CCDC171: variants seen among roughly 807,000 people sequenced by gnomAD.
CCDC171 encodes coiled-coil domain containing 171, also known as coiled-coil domain-containing protein 171.
Under a neutral mutation model 168.2 loss-of-function variants are expected in CCDC171, and 177 were observed. The ratio of observed to expected loss-of-function variants is 1.05; its 90% CI spans 0.93 to 1.19. The LOEUF (loss-of-function observed/expected upper bound fraction) is 1.19. CCDC171 is among the 50% of genes most tolerant of loss of function. CCDC171 has a pLI of 0.00. For missense variants in CCDC171, 1,991 were observed against 1,539.0 expected (o/e 1.29, Z -4.91); for synonymous variants, 687 against 540.8 (o/e 1.27, Z -3.75).
At chr9:15,758,947 G>A (rs1035604513) in intron 18 of CCDC171, among the ~76,000 whole-genome samples, 6 of 152,056 alleles carry the variant, frequency 3.9e-5, no homozygotes, top group Admixed American at 1.3e-4. Context: ...GCCCAGTCTC[G>A]GGTATGTCTT....
chr9:15,695,761 A>C (rs1030895778), intron 11 of CCDC171, among the ~76,000 whole-genome samples: 4 of 152,226 alleles, frequency 2.6e-5, no homozygotes, highest in Admixed American at 2.6e-4. Context: ...CGCATGTTCT[A>C]TACTTTCCAA....
intron 1 of CCDC171, among the ~76,000 whole-genome samples, chr9:16,057,750 G>A (rs1285537467): frequency 1.3e-5 from 2 of 152,142 alleles, no homozygotes; most frequent in African/African-American, 4.8e-5. Flanking sequence ...ACATCCAGCA[G>A]TTTAGGTTTA....
At chr9:15,967,793 A>G (rs1564084511) in intron 25 of CCDC171, among the ~76,000 whole-genome samples, 1 of 152,216 alleles carries the variant, frequency 6.6e-6, no homozygotes, top group Non-Finnish European at 1.5e-5. Context: ...GGCTTACTAA[A>G]TCACATTTTT....
At chr9:15,801,892 G>T (rs550224115) in intron 21 of CCDC171, among the ~76,000 whole-genome samples, 17 of 151,914 alleles carry the variant, frequency 1.1e-4, no homozygotes, top group Non-Finnish European at 2.4e-4. Flanking sequence ...TATGGTTTTT[G>T]TCCTTAATTC....
chr9:15,891,115 C>G (rs568667370), intron 24 of CCDC171, among the ~76,000 whole-genome samples: 1 of 152,088 alleles, frequency 6.6e-6, no homozygotes, highest in Non-Finnish European at 1.5e-5. Flanking sequence ...CACCTCTGTC[C>G]AAATTAATAT....
At position 15,813,213 on chromosome 9, in the gene CCDC171, T is replaced by C. The variant is rs74570971; in HGVS notation, c.3267+28519T>C. Among the ~76,000 whole-genome samples, 1,182 of 152,336 alleles carry C rather than the reference T, an allele frequency of 7.8e-3. 12 individuals are homozygous for C. The highest frequency in any genetic ancestry group is 0.027 in the African/African-American group (1,125 of 41,566). On this transcript the variant is annotated intron_variant, in intron 21 of 25. Coordinates refer to ENST00000380701, the MANE Select transcript of CCDC171 (RefSeq NM_173550.4). ...ATGTTTCTTACTTAAATATTGGTTA[T>C]ATGGTTATGGAAATTTCCCATGTAC...
Position 15,728,018 on chromosome 9 carries a change from C to T in CCDC171, c.1842C>T (p.Leu614=), listed in dbSNP as rs1039967823. 3 of 1,612,120 alleles carry T rather than the reference C, an allele frequency of 1.9e-6. No individual in the cohort carries two copies. Among genetic ancestry groups the T allele is most frequent in the South Asian group, 1.1e-5 (1 of 90,686 alleles). ...ATGTTGATGCCCTGATTGCAGACCTCAACAGGGCTAATGAGAAGGTAACTG... is the reference window on the plus strand; with the variant it reads ...ATGTTGATGCCCTGATTGCAGACCTTAACAGGGCTAATGAGAAGGTAACTG... The part of the protein sequence containing the change: ...QENVDALIAD[L]NRANEKIRHL... The change falls in exon 15 of 26, where the codon CTC becomes CTT. Residue 614 remains leucine (L), a synonymous_variant. Transcript: ENST00000380701.
At chr9:15,590,359 T>C (rs2041887678) in intron 4 of CCDC171, among the ~76,000 whole-genome samples, 1 of 152,236 alleles carries the variant, frequency 6.6e-6, no homozygotes, top group Non-Finnish European at 1.5e-5. Context: ...TTATAAACAT[T>C]TCCTCATTTT....
intron 23 of CCDC171, among the ~76,000 whole-genome samples, chr9:15,870,445 C>T (rs1457378654): frequency 1.3e-5 from 2 of 151,630 alleles, no homozygotes; most frequent in African/African-American, 4.8e-5. Context: ...GCATCGGAGG[C>T]CATAATAGAT....
chr9:16,073,055 T>A, the CCDC171 span, among the ~76,000 whole-genome samples: 1 of 152,254 alleles, frequency 6.6e-6, no homozygotes, highest in Non-Finnish European at 1.5e-5. Flanking sequence ...TTTAGTCAAA[T>A]CTGTTTCATG....
At chr9:15,929,889 T>G (rs1187649680) in intron 25 of CCDC171, among the ~76,000 whole-genome samples, 1 of 151,812 alleles carries the variant, frequency 6.6e-6, no homozygotes, top group East Asian at 1.9e-4. Flanking sequence ...TTTTTACCAT[T>G]GACATTCTGG....
chr9:15,787,330 T>C (rs190328736), intron 21 of CCDC171, among the ~76,000 whole-genome samples: 1 of 152,284 alleles, frequency 6.6e-6, no homozygotes, highest in Admixed American at 6.5e-5. Flanking sequence ...TTATTCTTTC[T>C]GTCTAGCTGA....
chr9:16,100,355 C>T, the CCDC171 span, among the ~76,000 whole-genome samples: 2 of 152,190 alleles, frequency 1.3e-5, no homozygotes, highest in South Asian at 2.1e-4. Context: ...TATCTCCAGC[C>T]GCTCAGCTCA....
chr9:15,899,223 G>A (rs1379486787), intron 24 of CCDC171, among the ~76,000 whole-genome samples: 3 of 152,090 alleles, frequency 2.0e-5, no homozygotes, highest in Non-Finnish European at 4.4e-5. Context: ...ATCACAGTTT[G>A]TTTAGCCATT....
At chr9:15,802,445 G>T (rs2058870704) in intron 21 of CCDC171, among the ~76,000 whole-genome samples, 2 of 151,854 alleles carry the variant, frequency 1.3e-5, no homozygotes, top group Non-Finnish European at 2.9e-5. Flanking sequence ...AGTGTGTATT[G>T]TTCCCCACTG....
At position 15,979,307 on chromosome 9, in the gene CCDC171, A is replaced by C. The variant is rs988272899; in HGVS notation, n.369-41282A>C. Among the ~76,000 whole-genome samples, 3 of 152,182 alleles carry C rather than the reference A, an allele frequency of 2.0e-5. No individual in the cohort carries two copies. In the East Asian group the frequency reaches 5.8e-4, roughly 29 times the overall value. ...TTCTTCTTACCAAATTGTCTCAGCT[A>C]TAATCTTCAGTACATTGTTGAGTAG... On this transcript the variant is annotated intron_variant and non_coding_transcript_variant, in intron 3 of 9. Transcript: ENST00000486641.
chr9:15,571,321 A>C (rs115691984), intron 2 of CCDC171, among the ~76,000 whole-genome samples: 3,814 of 152,334 alleles, frequency 0.025, 161 homozygotes, highest in African/African-American at 0.087. Flanking sequence ...GGGAGAACCC[A>C]GTCTCTTCCA....
Position 15,744,588 on chromosome 9 carries a change from A to T in CCDC171, c.2365A>T (p.Met789Leu). 6.2e-7 allele frequency: 1 copy of T among 1,614,226 alleles called. No homozygotes were observed. Among genetic ancestry groups the T allele is most frequent in the South Asian group, 1.1e-5 (1 of 91,084 alleles). The change falls in exon 17 of 26, where the codon ATG (methionine) becomes TTG (leucine). Residue 789 changes from methionine to leucine, a missense_variant. Met to Leu is a conservative substitution (Grantham distance 15, BLOSUM62 2). Coordinates refer to ENST00000380701, the MANE Select transcript of CCDC171 (RefSeq NM_173550.4). ...VEEKKQEEAK[M>L]KKKTFKGLIR... Reference sequence around the variant, plus strand: ...GGAAAAGAAGCAAGAGGAAGCCAAGATGAAAAAGAAAACATTCAAAGGATT... The same window carrying T: ...GGAAAAGAAGCAAGAGGAAGCCAAGTTGAAAAAGAAAACATTCAAAGGATT...
At chr9:15,915,427 A>G (rs1388458951) in intron 24 of CCDC171, among the ~76,000 whole-genome samples, 1 of 151,646 alleles carries the variant, frequency 6.6e-6, no homozygotes, top group East Asian at 1.9e-4. Context: ...ATAGATTATT[A>G]TGGGTGTATG....
Sources: allele counts gnomAD v4.1 joint callset (sites outside exome capture counted in the v4.1 genomes callset), GRCh38; gene constraint gnomAD v4.1.1; transcripts MANE v1.5; gene names NCBI Gene and HGNC (gene_info 2026-07-23, HGNC 2026-07-21).